The following PIKFYVE variants were observed in gnomAD, a reference collection of about 807,000 sequenced individuals.
PIKFYVE encodes phosphoinositide kinase, FYVE-type zinc finger containing.
In PIKFYVE, 122 loss-of-function variants were observed where a neutral mutation model predicts 257.9. The ratio of observed to expected loss-of-function variants is 0.47; its 90% CI spans 0.41 to 0.55. PIKFYVE has a LOEUF of 0.55. Ranked by LOEUF, PIKFYVE falls within the 20% of genes least tolerant of loss-of-function variation. PIKFYVE has a pLI of 0.00. For synonymous variants in PIKFYVE, 892 were observed against 868.9 expected (o/e 1.03, Z -0.47); for missense variants, 2,160 against 2,536.6 (o/e 0.85, Z 3.19).
chr2:208,326,257 G>T lies in PIKFYVE; in HGVS notation c.3446G>T (p.Gly1149Val). 1.3e-6 allele frequency: 2 copies of T among 1,592,586 alleles called. No individual in the cohort carries two copies. Among genetic ancestry groups the T allele is most frequent in the South Asian group, 2.3e-5 (2 of 87,102 alleles). The change falls in exon 20 of 42, where the codon GGT becomes GTT. Residue 1149 changes from glycine to valine, a missense_variant. Gly to Val is a moderately radical substitution (Grantham distance 109). Coordinates refer to ENST00000264380, the MANE Select transcript of PIKFYVE (RefSeq NM_015040.4). ...CATCTGGGCGATAGCCAGAGCTTGGGTAGAATGCTGGCCGATTATCGAGCC... is the reference window on the plus strand; with the variant it reads ...CATCTGGGCGATAGCCAGAGCTTGGTTAGAATGCTGGCCGATTATCGAGCC... ...AEHLGDSQSL[G>V]RMLADYRARG...
intron 12 of PIKFYVE, among the ~76,000 whole-genome samples, chr2:208,305,953 T>C (rs1044721039): frequency 6.6e-6 from 1 of 152,202 alleles, no homozygotes; most frequent in Non-Finnish European, 1.5e-5. Context: ...CTTACTTAGA[T>C]CTGAAATGCT....
intron 7 of PIKFYVE, among the ~76,000 whole-genome samples, chr2:208,296,962 G>A (rs947139823): frequency 5.3e-5 from 8 of 152,184 alleles, no homozygotes; most frequent in Non-Finnish European, 8.8e-5. Context: ...GCAGCCGAGG[G>A]ATGTGGAGTC....
chr2:208,326,499 A>G (rs958311016), intron 20 of PIKFYVE, 70 bp downstream of exon 20: 44 of 1,515,152 alleles, frequency 2.9e-5, no homozygotes, highest in Non-Finnish European at 3.8e-5. Context: ...AAGGCAGGCT[A>G]AAAAAATCAG....
intron 2 of PIKFYVE, among the ~76,000 whole-genome samples, chr2:208,273,044 T>C (rs897284817): frequency 2.0e-5 from 3 of 152,224 alleles, no homozygotes; most frequent in Non-Finnish European, 4.4e-5. Context: ...ACATTACACT[T>C]AGTTGTCATA....
In PIKFYVE at chr2:208,301,230, CTAAT is replaced by C. The variant is rs1574515423; in HGVS notation, c.1208+139_1208+142del. On this transcript the variant is annotated intron_variant, in intron 9 of 41. Transcript: ENST00000264380. ...TTTATGTAATTGATGGTTTAGGGTGCTAATTACTTAACCCTCCTCCAATCTGAGT... is the reference window on the plus strand; with the variant it reads ...TTTATGTAATTGATGGTTTAGGGTGCTACTTAACCCTCCTCCAATCTGAGT... 5.3e-6 allele frequency: 6 copies of C among 1,128,696 alleles called. 1 individual carries two copies. Among genetic ancestry groups the C allele is most frequent in the East Asian group, 5.2e-5 (2 of 38,622 alleles). 69.9% of individuals were successfully genotyped at this position (1,128,696 alleles called of 1,614,324 possible).
chr2:208,352,609 A>G (rs777547323), intron 38 of PIKFYVE, 45 bp from the exon 39 acceptor site: 33 of 1,602,174 alleles, frequency 2.1e-5, no homozygotes, highest in Non-Finnish European at 2.7e-5. Context: ...TAAATTATAA[A>G]TAACCCTTTT....
At chr2:208,337,840 G>C (rs1243072978) in intron 28 of PIKFYVE, among the ~76,000 whole-genome samples, 1 of 152,058 alleles carries the variant, frequency 6.6e-6, no homozygotes, top group African/African-American at 2.4e-5. Context: ...TCCTTCCTCA[G>C]CCTCTCGAGT....
chr2:208,297,403 A>G (rs1430946187), intron 7 of PIKFYVE, among the ~76,000 whole-genome samples: 3 of 152,326 alleles, frequency 2.0e-5, no homozygotes, highest in African/African-American at 4.8e-5. Context: ...CTTATCGGCT[A>G]TTTGATATCA....
At chr2:208,315,484 T>G in intron 15 of PIKFYVE, 111 bp downstream of exon 15, 2 of 1,303,392 alleles carry the variant, frequency 1.5e-6, no homozygotes, top group Admixed American at 4.0e-5. Flanking sequence ...GGGTGCTAGG[T>G]GAGGAGTAGG....
Position 208,346,061 on chromosome 2 carries a change from G to A in PIKFYVE, c.5123G>A (p.Ser1708Asn). The A allele has an allele frequency of 6.2e-7, 1 of 1,612,222 alleles. No individual in the cohort carries two copies. The highest frequency in any genetic ancestry group is 8.5e-7 in the Non-Finnish European group (1 of 1,178,786). The change falls in exon 34 of 42, where the codon AGC becomes AAC. Residue 1708 changes from serine to asparagine, a missense_variant. Around this residue, in one of 12 missense-constraint regions of PIKFYVE, gnomAD observed 699 missense variants for 855.8 expected, o/e 0.82. Coordinates refer to ENST00000264380, the MANE Select transcript of PIKFYVE (RefSeq NM_015040.4). ...TCTTTTCATTTTAGTACTTCAGATA[G>A]CAGACCAAAGAGTAGCAGCCCTATC... ...EGLPTNSTSD[S>N]RPKSSSPIRL...
intron 7 of PIKFYVE, among the ~76,000 whole-genome samples, chr2:208,297,250 T>C (rs1478233700): frequency 6.6e-6 from 1 of 152,134 alleles, no homozygotes; most frequent in Non-Finnish European, 1.5e-5. Context: ...TATTAGAATA[T>C]GTGCAAGGAT....
chr2:208,276,928 A>G (rs1690183976), intron 4 of PIKFYVE, 98 bp downstream of exon 4: 3 of 942,400 alleles, frequency 3.2e-6, no homozygotes, highest in South Asian at 3.0e-5. Context: ...AGAAAGCTTA[A>G]TTAGCGCTTC....
chr2:208,353,839 A>G, intron 39 of PIKFYVE, 59 bp from the exon 40 acceptor site: 3 of 1,593,100 alleles, frequency 1.9e-6, no homozygotes, highest in Non-Finnish European at 2.6e-6. Flanking sequence ...ATTTACTTAC[A>G]TTAACTAATC....
chr2:208,273,845 A>C (rs146982072), intron 3 of PIKFYVE, 112 bp downstream of exon 3: 13 of 1,438,858 alleles, frequency 9.0e-6, no homozygotes, highest in Middle Eastern at 1.9e-4. Flanking sequence ...TTGGAATAGT[A>C]AGATACTATT....
At chr2:208,337,155 A>G (rs1698215493) in intron 28 of PIKFYVE, among the ~76,000 whole-genome samples, 1 of 152,164 alleles carries the variant, frequency 6.6e-6, no homozygotes, top group South Asian at 2.1e-4. Context: ...TGTTTATAAA[A>G]GCTACAGTTT....
intron 3 of PIKFYVE, among the ~76,000 whole-genome samples, chr2:208,275,839 A>G (rs1216132474): frequency 6.6e-6 from 1 of 152,204 alleles, no homozygotes; most frequent in Non-Finnish European, 1.5e-5. Context: ...CTTTTTGTCA[A>G]AACGTCTTTG....
At chr2:208,303,624 A>T (rs1276094895) in intron 10 of PIKFYVE, among the ~76,000 whole-genome samples, 2 of 152,168 alleles carry the variant, frequency 1.3e-5, no homozygotes, top group African/African-American at 4.8e-5. Context: ...AAAAGAAGAG[A>T]TTGCTTTTGC....
At chr2:208,334,922 G>A (rs1246921924) in intron 24 of PIKFYVE, among the ~76,000 whole-genome samples, 1 of 152,138 alleles carries the variant, frequency 6.6e-6, no homozygotes, top group African/African-American at 2.4e-5. Context: ...AAACCCTCAG[G>A]TGGAAAGGAA....
At chr2:208,345,039 C>T (rs1016673253) in intron 32 of PIKFYVE, 72 bp from the exon 33 acceptor site, 9 of 1,099,564 alleles carry the variant, frequency 8.2e-6, no homozygotes, top group African/African-American at 1.5e-5. Flanking sequence ...GCAAAACTTA[C>T]TCTAAAGCTT....
Sources: gnomAD v4.1 joint callset for allele counts (sites outside exome capture counted in the v4.1 genomes callset) on GRCh38, gnomAD v4.1.1 for gene constraint, gnomAD v4.1.1 regional missense constraint, MANE v1.5 for transcripts, NCBI Gene and HGNC (gene_info 2026-07-23, HGNC 2026-07-21) for gene names.